The following LUZP2 variants were observed in gnomAD, a reference collection of about 807,000 sequenced individuals.
LUZP2 encodes the protein leucine zipper protein 2.
LUZP2 carries 52 observed loss-of-function variants against 51.6 expected under a neutral mutation model. The observed-to-expected ratio is 1.01, with a 90% CI of 0.81 to 1.27. The LOEUF (loss-of-function observed/expected upper bound fraction) is 1.27, where lower values mean the gene tolerates loss of function less well. Ranked by LOEUF, LUZP2 falls within the 50% of genes most tolerant of loss-of-function variation. The pLI, the probability that LUZP2 is intolerant of heterozygous loss-of-function variation, is 0.00. For synonymous variants in LUZP2, 154 were observed against 137.3 expected (o/e 1.12, Z -0.85); for missense variants, 436 against 395.4 (o/e 1.10, Z -0.87).
At chr11:24,926,542 T>C (rs1854272732) in intron 7 of LUZP2, among the ~76,000 whole-genome samples, 1 of 142,750 alleles carries the variant, frequency 7.0e-6, no homozygotes, top group African/African-American at 2.5e-5. Context: ...TGTATATATA[T>C]ACGTGTATAT....
chr11:24,774,333 T>TCC, intron 5 of LUZP2, among the ~76,000 whole-genome samples: 1 of 14,732 alleles, frequency 6.8e-5, no homozygotes, highest in Non-Finnish European at 1.4e-4. Context: ...TTAGTAAACT[T>TCC]CTCTCTCTCT....
At chr11:24,933,341 A>C (rs139781415) in intron 7 of LUZP2, among the ~76,000 whole-genome samples, 1 of 152,126 alleles carries the variant, frequency 6.6e-6, no homozygotes, top group Non-Finnish European at 1.5e-5. Flanking sequence ...CCTGCCTCCT[A>C]TCCACCATTT....
At chr11:25,010,384 T>A (rs1378105127) in intron 9 of LUZP2, among the ~76,000 whole-genome samples, 1 of 151,466 alleles carries the variant, frequency 6.6e-6, no homozygotes, top group Non-Finnish European at 1.5e-5. Context: ...TGAAACCCTG[T>A]CTCTACTAAA....
intron 1 of LUZP2, among the ~76,000 whole-genome samples, chr11:24,708,353 C>A (rs917370010): frequency 5.9e-5 from 9 of 152,140 alleles, no homozygotes; most frequent in Non-Finnish European, 1.3e-4. Context: ...AATCAACACA[C>A]AAAATCAACC....
intron 1 of LUZP2, among the ~76,000 whole-genome samples, chr11:24,550,747 G>C (rs1254609647): frequency 6.6e-6 from 1 of 151,988 alleles, no homozygotes; most frequent in Non-Finnish European, 1.5e-5. Context: ...AAGGAACATT[G>C]ACCTTCCAAA....
chr11:24,610,533 G>A (rs966932451), intron 1 of LUZP2, among the ~76,000 whole-genome samples: 1 of 152,186 alleles, frequency 6.6e-6, no homozygotes, highest in Non-Finnish European at 1.5e-5. Context: ...TTTGGCCCTT[G>A]TTTATGGTGG....
chr11:24,822,029 T>G (rs938409596), intron 5 of LUZP2, among the ~76,000 whole-genome samples: 1 of 151,572 alleles, frequency 6.6e-6, no homozygotes, highest in African/African-American at 2.4e-5. Context: ...GCAGGGGTTT[T>G]TTTTTTTGGC....
chr11:24,877,404 C>G (rs923283277), intron 5 of LUZP2, among the ~76,000 whole-genome samples: 4 of 140,442 alleles, frequency 2.8e-5, no homozygotes, highest in African/African-American at 1.0e-4. Flanking sequence ...ACCTCCAACT[C>G]TAAGCTTTAA....
At chr11:25,051,612 GCTTACAGCAATCA>G (rs1858518422) in intron 10 of LUZP2, among the ~76,000 whole-genome samples, 2 of 152,142 alleles carry the variant, frequency 1.3e-5, no homozygotes, top group African/African-American at 2.4e-5. Context: ...CGGGATATGT[GCTTACAGCAATCA>G]TTGAAGACTA....
chr11:24,555,876 G>A (rs1231313073), intron 1 of LUZP2, among the ~76,000 whole-genome samples: 1 of 152,136 alleles, frequency 6.6e-6, no homozygotes. Flanking sequence ...CTACTCAGGA[G>A]GCTAACTGGG....
intron 5 of LUZP2, among the ~76,000 whole-genome samples, chr11:24,824,699 A>G (rs936553488): frequency 2.6e-5 from 4 of 152,060 alleles, no homozygotes; most frequent in African/African-American, 9.7e-5. Flanking sequence ...ATATGATCAC[A>G]CATATTTATT....
chr11:25,078,913 G>A lies in LUZP2; in HGVS notation c.*255G>A. ...AAATTGTCCCATATAAATTGGTCTG[G>A]TTTAACTCAAATGCTATCTAACATG... On this transcript the variant is annotated 3_prime_UTR_variant, in exon 12 of 12. Transcript: ENST00000336930. The A allele has an allele frequency of 2.9e-6, 1 of 349,856 alleles. No individual in the cohort carries two copies. The highest frequency in any genetic ancestry group is 5.1e-6 in the Non-Finnish European group (1 of 195,740). 21.7% of individuals were successfully genotyped at this position (349,856 alleles called of 1,614,324 possible). A position where few individuals can be genotyped will look rare whatever the true frequency, so the allele number is the denominator to read the frequency against.
chr11:24,696,310 C>G (rs1857245625), intron 1 of LUZP2, among the ~76,000 whole-genome samples: 1 of 151,880 alleles, frequency 6.6e-6, no homozygotes, highest in African/African-American at 2.4e-5. Context: ...ATTGAGTCAC[C>G]AGACAAACAA....
chr11:24,860,867 T>A (rs1590653405), intron 5 of LUZP2, among the ~76,000 whole-genome samples: 1 of 152,170 alleles, frequency 6.6e-6, no homozygotes, highest in Admixed American at 6.5e-5. Flanking sequence ...ATTTAAAAAA[T>A]GCTGAAAACC....
intron 1 of LUZP2, among the ~76,000 whole-genome samples, chr11:24,581,249 A>AT (rs1852842741): frequency 6.6e-6 from 1 of 152,066 alleles, no homozygotes; most frequent in African/African-American, 2.4e-5. Flanking sequence ...CAATCCTGTC[A>AT]TAAAAAGAAC....
rs142946980 is a variant in LUZP2, at chr11:24,613,161, T to G, written c.62+115856T>G. Among the ~76,000 whole-genome samples the G allele has an allele frequency of 2.7e-3, 406 of 152,242 alleles. 3 individuals are homozygous for G. Among genetic ancestry groups the G allele is most frequent in the African/African-American group, 9.4e-3 (392 of 41,580 alleles). On this transcript the variant is annotated intron_variant, in intron 1 of 11. Coordinates refer to ENST00000336930, the MANE Select transcript of LUZP2 (RefSeq NM_001009909.4). ...TCTACTTGCATTGCTGGTAGTGTTT[T>G]CCTGTTCTACAGACTCTAAGAACAA... is the stretch of plus-strand genomic sequence containing the variant.
intron 2 of LUZP2, among the ~76,000 whole-genome samples, chr11:24,730,407 CA>C (rs55796736): frequency 0.69 from 101,920 of 147,250 alleles, 35,671 homozygotes; most frequent in African/African-American, 0.84. Flanking sequence ...GAAACGAGAG[CA>C]AAAAAAAAAA....
intron 5 of LUZP2, among the ~76,000 whole-genome samples, chr11:24,835,091 A>T (rs1850821799): frequency 1.3e-5 from 2 of 152,032 alleles, no homozygotes; most frequent in African/African-American, 4.8e-5. Flanking sequence ...AAACAGCATG[A>T]TACTGGTACC....
intron 9 of LUZP2, among the ~76,000 whole-genome samples, chr11:24,984,705 G>A (rs926931095): frequency 3.3e-5 from 5 of 150,932 alleles, no homozygotes; most frequent in Non-Finnish European, 1.5e-5. Flanking sequence ...TTCACTGTTA[G>A]AACTATAGCT....
Sources: allele counts gnomAD v4.1 joint callset (sites outside exome capture counted in the v4.1 genomes callset), GRCh38; gene constraint gnomAD v4.1.1; transcripts MANE v1.5; gene names NCBI Gene and HGNC (gene_info 2026-07-23, HGNC 2026-07-21).